Variants in GPRASP3 observed in about 807,000 individuals in gnomAD.
GPRASP3 encodes G protein-coupled receptor associated sorting protein family member 3.
the GPRASP3 span, among the ~76,000 whole-genome samples, chrX:102,741,933 T>C: frequency 8.9e-6 from 1 of 111,950 alleles, no homozygotes; most frequent in East Asian, 2.8e-4. Context: ...AGAAATAATT[T>C]CTCAGACAAA....
chrX:102,729,839 C>G, the GPRASP3 span, among the ~76,000 whole-genome samples: 5 of 111,671 alleles, frequency 4.5e-5, no homozygotes, highest in East Asian at 1.4e-3. Flanking sequence ...CACTGCACTC[C>G]AGCAAATGAA....
chrX:102,750,634 A>G, the GPRASP3 span: 7 of 1,159,655 alleles, frequency 6.0e-6, no homozygotes, highest in Non-Finnish European at 6.9e-6. Context: ...TATTGAAACA[A>G]TGTAAAATGA....
At chrX:102,733,548 A>C in the GPRASP3 span, among the ~76,000 whole-genome samples, 4 of 110,568 alleles carry the variant, frequency 3.6e-5, no homozygotes, top group African/African-American at 9.9e-5. Context: ...TTTTCTTCAC[A>C]GGAGTATACT....
the GPRASP3 span, among the ~76,000 whole-genome samples, chrX:102,733,697 A>G: frequency 2.9e-4 from 32 of 109,230 alleles, no homozygotes; most frequent in African/African-American, 9.3e-4. Flanking sequence ...TTGTCCATTC[A>G]GTTAACCCCT....
the GPRASP3 span, among the ~76,000 whole-genome samples, chrX:102,737,559 G>T: frequency 1.8e-5 from 2 of 111,812 alleles, no homozygotes; most frequent in Non-Finnish European, 1.9e-5. Context: ...AGTCTGGTAA[G>T]AATTCCTACC....
chrX:102,732,840 C>T, the GPRASP3 span, among the ~76,000 whole-genome samples: 1 of 111,513 alleles, frequency 9.0e-6, no homozygotes, highest in African/African-American at 3.3e-5. Flanking sequence ...TGGGTTTGTA[C>T]CTTCAAATAC....
the GPRASP3 span, among the ~76,000 whole-genome samples, chrX:102,721,871 C>T: frequency 9.0e-6 from 1 of 111,294 alleles, no homozygotes; most frequent in African/African-American, 3.3e-5. Context: ...TAGGTAGCAG[C>T]CCCATGGTAA....
chrX:102,741,738 CAA>C, the GPRASP3 span, among the ~76,000 whole-genome samples: 1 of 111,730 alleles, frequency 9.0e-6, no homozygotes, highest in East Asian at 2.8e-4. Flanking sequence ...TGAAGAAAGA[CAA>C]AGAGAAAATA....
At chrX:102,749,111 A>G in the GPRASP3 span, 1 of 1,212,383 alleles carries the variant, frequency 8.2e-7, no homozygotes. Flanking sequence ...CCTGTAGCCA[A>G]GACCAGGGCC....
chrX:102,743,161 A>C, the GPRASP3 span, among the ~76,000 whole-genome samples: 1 of 109,937 alleles, frequency 9.1e-6, no homozygotes, highest in South Asian at 3.9e-4. Flanking sequence ...CTTGTGGAAA[A>C]ATGGTGAGGG....
the GPRASP3 span, among the ~76,000 whole-genome samples, chrX:102,741,363 T>A: frequency 8.9e-6 from 1 of 111,964 alleles, no homozygotes; most frequent in Non-Finnish European, 1.9e-5. Flanking sequence ...GCCCTCCTTC[T>A]CCTTAGGAAG....
chrX:102,750,110 G>T, the GPRASP3 span: 1 of 1,211,105 alleles, frequency 8.3e-7, no homozygotes, highest in Non-Finnish European at 1.1e-6. Flanking sequence ...CTTATTGAAA[G>T]CTTGCTCAGT....
At chrX:102,725,587 C>G in the GPRASP3 span, among the ~76,000 whole-genome samples, 3 of 106,301 alleles carry the variant, frequency 2.8e-5, no homozygotes, top group Admixed American at 1.0e-4. Context: ...AGTGCAGTGG[C>G]ACGATCTCAG....
At chrX:102,749,172 G>A in the GPRASP3 span, 4 of 1,210,736 alleles carry the variant, frequency 3.3e-6, no homozygotes, top group Non-Finnish European at 4.5e-6. Context: ...CAGAGATGAA[G>A]GCAGTGTCTA....
chrX:102,745,197 T>G, the GPRASP3 span, among the ~76,000 whole-genome samples: 1 of 110,929 alleles, frequency 9.0e-6, no homozygotes, highest in East Asian at 2.9e-4. Flanking sequence ...AGAGGACTGT[T>G]ACGACCTCCT....
At chrX:102,753,514 C>A in the GPRASP3 span, 1 of 122,778 alleles carries the variant, frequency 8.1e-6, no homozygotes, top group East Asian at 2.8e-4. Context: ...GAATCTTCGA[C>A]CCATGAATAA....
At chrX:102,729,926 A>G in the GPRASP3 span, among the ~76,000 whole-genome samples, 16 of 111,658 alleles carry the variant, frequency 1.4e-4, no homozygotes, top group East Asian at 2.8e-4. Context: ...GCAGTCCCCA[A>G]TCTTTTTTGG....
At chrX:102,730,431 G>A in the GPRASP3 span, among the ~76,000 whole-genome samples, 1 of 112,511 alleles carries the variant, frequency 8.9e-6, no homozygotes, top group Non-Finnish European at 1.9e-5. Flanking sequence ...TGGCCTAGGG[G>A]CTGGGGACTC....
the GPRASP3 span, chrX:102,748,954 C>T: frequency 1.7e-6 from 2 of 1,154,160 alleles, no homozygotes; most frequent in Admixed American, 2.7e-5. Flanking sequence ...CATTGAGAAC[C>T]AAGGCCAAGA....
Sources: gnomAD v4.1 joint callset for allele counts (sites outside exome capture counted in the v4.1 genomes callset) on GRCh38, gnomAD v4.1.1 for gene constraint, MANE v1.5 for transcripts, NCBI Gene and HGNC (gene_info 2026-07-23, HGNC 2026-07-21) for gene names.